Variants in F13A1 observed in about 807,000 individuals in gnomAD.
F13A1 encodes the protein coagulation factor XIII A chain.
F13A1 carries 47 observed loss-of-function variants against 80.1 expected under a neutral mutation model. That is an observed-to-expected ratio of 0.59 (90% confidence interval 0.46 to 0.75). The LOEUF is 0.75. Ranked by LOEUF, F13A1 falls within the 30% of genes least tolerant of loss-of-function variation. F13A1 has a pLI of 0.00. For missense variants in F13A1, 817 were observed against 930.4 expected, an observed-to-expected ratio of 0.88 and a Z score of 1.59; for synonymous variants, 349 against 344.9, an observed-to-expected ratio of 1.01 and a Z score of -0.13.
intron 3 of F13A1, among the ~76,000 whole-genome samples, chr6:6,267,218 T>A (rs111672997): frequency 0.012 from 1,817 of 152,314 alleles, 29 homozygotes; most frequent in Non-Finnish European, 0.018. Flanking sequence ...AAATAATAAT[T>A]TACACAGTGC....
At chr6:6,196,363 A>C (rs1761290684) in intron 9 of F13A1, among the ~76,000 whole-genome samples, 2 of 152,222 alleles carry the variant, frequency 1.3e-5, no homozygotes, top group South Asian at 2.1e-4. Context: ...TGCATTTAGG[A>C]AGTCAGAGGG....
chr6:6,191,392 T>C, intron 10 of F13A1, among the ~76,000 whole-genome samples: 1 of 152,230 alleles, frequency 6.6e-6, no homozygotes, highest in Non-Finnish European at 1.5e-5. Context: ...TTTCTATCCC[T>C]ACACTTGAAG....
intron 11 of F13A1, among the ~76,000 whole-genome samples, chr6:6,177,673 T>C (rs779311431): frequency 2.6e-5 from 4 of 152,334 alleles, no homozygotes; most frequent in Middle Eastern, 3.4e-3. Flanking sequence ...GGAAACCCCA[T>C]AATGTTCCAA....
rs573234531 is a variant in F13A1 at position 6,152,056 on chromosome 6, T to G, written c.1909-107A>C. 421 of 1,390,656 alleles carry G rather than the reference T, an allele frequency of 3.0e-4. 3 individuals are homozygous for G. The African/African-American group carries it at 4.9e-3, about 16-fold the overall frequency. 86.1% of individuals were successfully genotyped at this position (1,390,656 alleles called of 1,614,324 possible). ...TAGAGTTTTATGATACAGTTATTTT[T>G]TTGGCAATGGAACCAGTGTGATGAG... On this transcript the variant is annotated intron_variant, in intron 13 of 14. Coordinates refer to ENST00000264870, the MANE Select transcript of F13A1 (RefSeq NM_000129.4).
intron 2 of F13A1, among the ~76,000 whole-genome samples, chr6:6,313,280 C>CTTTTTTTTTTT (rs5874027): frequency 9.5e-5 from 12 of 126,782 alleles, no homozygotes; most frequent in African/African-American, 3.0e-4. Context: ...GCTAAGCCGC[C>CTTTTTTTTTTT]TTTTTTTTTT....
chr6:6,299,529 A>G (rs1758387295), intron 3 of F13A1, among the ~76,000 whole-genome samples: 1 of 133,244 alleles, frequency 7.5e-6, no homozygotes, highest in Non-Finnish European at 1.5e-5. Context: ...CCTTTCTTCC[A>G]GTTGATCGCA....
In F13A1 at chr6:6,266,118, A is replaced by G. The variant is rs3024361; in HGVS notation, c.571+440T>C. 7.0e-3 allele frequency among the ~76,000 whole-genome samples: 1,068 copies of G among 152,298 alleles called. 12 individuals carry two copies. The highest frequency in any genetic ancestry group is 0.024 in the African/African-American group (1,005 of 41,552). On this transcript the variant is annotated intron_variant, in intron 4 of 14. Transcript: ENST00000264870. ...TTATCTTCATACACATGGAGGATGAATTTTCTATCTTTCTCTTTCAATCAT... is the reference window on the plus strand; with the variant it reads ...TTATCTTCATACACATGGAGGATGAGTTTTCTATCTTTCTCTTTCAATCAT...
At chr6:6,205,531 T>A (rs796071624) in intron 8 of F13A1, among the ~76,000 whole-genome samples, 7 of 152,322 alleles carry the variant, frequency 4.6e-5, no homozygotes, top group African/African-American at 1.7e-4. Context: ...CCTTCCTTAG[T>A]CCTGAGAGTA....
At chr6:6,315,808 T>A (rs1208160039) in intron 2 of F13A1, among the ~76,000 whole-genome samples, 1 of 151,862 alleles carries the variant, frequency 6.6e-6, no homozygotes, top group East Asian at 1.9e-4. Context: ...AAAGTCATCA[T>A]CCGCAGATTG....
At chr6:6,181,796 A>G (rs1051023419) in intron 11 of F13A1, among the ~76,000 whole-genome samples, 192 bp downstream of exon 11, 6 of 152,252 alleles carry the variant, frequency 3.9e-5, no homozygotes, top group Non-Finnish European at 8.8e-5. Context: ...GCCCAAAGCA[A>G]GCTAGCAAAG....
intron 3 of F13A1, among the ~76,000 whole-genome samples, chr6:6,285,728 GTCA>G (rs976291505): frequency 1.8e-4 from 28 of 152,326 alleles, no homozygotes; most frequent in African/African-American, 6.3e-4. Context: ...TCAGGTGACG[GTCA>G]TTGTTAAACT....
chr6:6,240,445 C>T (rs1373271287), intron 6 of F13A1, among the ~76,000 whole-genome samples: 1 of 152,070 alleles, frequency 6.6e-6, no homozygotes. Flanking sequence ...ATCCAAGGAG[C>T]TCATGTGACC....
chr6:6,255,079 T>C (rs1214869341), intron 4 of F13A1, among the ~76,000 whole-genome samples: 2 of 152,152 alleles, frequency 1.3e-5, no homozygotes, highest in Non-Finnish European at 2.9e-5. Context: ...CTGAACCCTT[T>C]CCTTTCCAGC....
chr6:6,264,490 C>A (rs904462127), intron 4 of F13A1, among the ~76,000 whole-genome samples: 2 of 152,200 alleles, frequency 1.3e-5, no homozygotes, highest in African/African-American at 4.8e-5. Flanking sequence ...CTTTTGCTGA[C>A]TCCTTCTCTA....
At chr6:6,163,714 T>C (rs746323873) in intron 13 of F13A1, among the ~76,000 whole-genome samples, 16 of 152,244 alleles carry the variant, frequency 1.1e-4, no homozygotes, top group Non-Finnish European at 1.5e-4. Context: ...CAGTCTACCA[T>C]TGATGGGCAT....
chr6:6,271,197 G>T (rs944630022), intron 3 of F13A1, among the ~76,000 whole-genome samples: 1 of 152,158 alleles, frequency 6.6e-6, no homozygotes, highest in African/African-American at 2.4e-5. Context: ...GAACCTCAGG[G>T]ACTGCTCTAT....
chr6:6,185,239 C>A (rs1387527036), intron 10 of F13A1, among the ~76,000 whole-genome samples: 1 of 150,806 alleles, frequency 6.6e-6, no homozygotes, highest in Non-Finnish European at 1.5e-5. Flanking sequence ...ACTAACTCGT[C>A]ATCTAGCATT....
chr6:6,223,085 A>C (rs1270928639), intron 7 of F13A1, among the ~76,000 whole-genome samples: 1 of 152,186 alleles, frequency 6.6e-6, no homozygotes, highest in Admixed American at 6.5e-5. Flanking sequence ...ACATTATCCC[A>C]GACACGACTT....
At chr6:6,208,317 T>C (rs920334677) in intron 8 of F13A1, among the ~76,000 whole-genome samples, 3 of 152,168 alleles carry the variant, frequency 2.0e-5, no homozygotes, top group African/African-American at 4.8e-5. Flanking sequence ...AACTTGAAGG[T>C]AGGCCAATTG....
Sources: allele counts gnomAD v4.1 joint callset (sites outside exome capture counted in the v4.1 genomes callset), GRCh38; gene constraint gnomAD v4.1.1; transcripts MANE v1.5; gene names NCBI Gene and HGNC (gene_info 2026-07-23, HGNC 2026-07-21).